The following ATR variants were observed in gnomAD, a reference collection of about 807,000 sequenced individuals.
ATR encodes serine/threonine-protein kinase ATR.
A neutral mutation model predicts 305.3 loss-of-function variants in ATR; 142 were observed. The observed-to-expected ratio is 0.47, with a 90% CI of 0.41 to 0.53. ATR has a LOEUF of 0.53. ATR is among the 20% of genes least tolerant of loss of function. The pLI is 0.00. For missense variants in ATR, 2,135 were observed against 3,133.1 expected (o/e 0.68, Z 7.60); for synonymous variants, 1,050 against 1,068.1 (o/e 0.98, Z 0.33).
At chr3:142,525,008 T>A (rs7651071) in intron 21 of ATR, among the ~76,000 whole-genome samples, 98,162 of 152,052 alleles carry the variant, frequency 0.65, 32,980 homozygotes, top group African/African-American at 0.85. Context: ...TACAAATTAC[T>A]GTAATACATT....
intron 22 of ATR, 93 bp downstream of exon 22, chr3:142,523,900 T>C (rs2033259840): frequency 1.5e-6 from 2 of 1,309,546 alleles, no homozygotes. Flanking sequence ...GAAGCTTTTA[T>C]TAAGGATAAG....
intron 32 of ATR, among the ~76,000 whole-genome samples, chr3:142,497,778 T>C (rs1422109866): frequency 4.6e-5 from 7 of 152,138 alleles, no homozygotes; most frequent in Non-Finnish European, 1.0e-4. Context: ...CATGAGGTAT[T>C]TGCATATATT....
At chr3:142,574,282 T>C (rs2035366554) in intron 1 of ATR, among the ~76,000 whole-genome samples, 1 of 151,784 alleles carries the variant, frequency 6.6e-6, no homozygotes, top group Admixed American at 6.6e-5. Context: ...CTGGGCAACA[T>C]GGTGAAACCC....
chr3:142,455,570 T>G (rs989484471), intron 45 of ATR, among the ~76,000 whole-genome samples: 5 of 152,148 alleles, frequency 3.3e-5, no homozygotes, highest in African/African-American at 1.2e-4. Flanking sequence ...GGCATATAGA[T>G]CAACAGAATA....
At chr3:142,552,104 G>A (rs865796765) in intron 13 of ATR, among the ~76,000 whole-genome samples, 21 of 88,954 alleles carry the variant, frequency 2.4e-4, no homozygotes, top group Admixed American at 3.8e-4. Flanking sequence ...ACCATCTCAC[G>A]CCAGCAGAAT....
chr3:142,478,900 T>C (rs1264566821), intron 36 of ATR, among the ~76,000 whole-genome samples: 3 of 152,172 alleles, frequency 2.0e-5, no homozygotes, highest in African/African-American at 4.8e-5. Context: ...TATCAGAGAC[T>C]AGGATTTCAA....
intron 21 of ATR, among the ~76,000 whole-genome samples, chr3:142,531,459 T>A (rs981042080): frequency 2.6e-5 from 4 of 151,964 alleles, no homozygotes; most frequent in Admixed American, 1.3e-4. Context: ...CCTGTGTCCA[T>A]GTGTTCTCAT....
At chr3:142,524,681 T>C (rs1055044861) in intron 21 of ATR, among the ~76,000 whole-genome samples, 7 of 151,998 alleles carry the variant, frequency 4.6e-5, no homozygotes, top group African/African-American at 1.4e-4. Context: ...AACAAGAAGT[T>C]TGAAAAGTGT....
chr3:142,451,039 T>C (rs2070777788), intron 46 of ATR: 1 of 1,268,716 alleles, frequency 7.9e-7, no homozygotes, highest in Non-Finnish European at 1.0e-6. Context: ...CCAGTGAATA[T>C]GAATCATCCC....
At chr3:142,575,849 A>T (rs1434212502) in intron 1 of ATR, among the ~76,000 whole-genome samples, 1 of 152,238 alleles carries the variant, frequency 6.6e-6, no homozygotes, top group East Asian at 1.9e-4. Flanking sequence ...GAGGGATAAA[A>T]GGTGATGAAG....
rs538093563 is a variant in ATR at position 142,558,567 on chromosome 3, T to C, written c.1885+57A>G. The C allele has an allele frequency of 6.0e-3, 8,118 of 1,344,668 alleles. 29 individuals are homozygous for C. Among genetic ancestry groups the C allele is most frequent in the Non-Finnish European group, 7.1e-3 (6,962 of 974,594 alleles). The allele number at this position is 1,344,668 out of a possible 1,614,324, so 83.3% of individuals were successfully genotyped here. A position where few individuals can be genotyped will look rare whatever the true frequency, so the allele number is the denominator to read the frequency against. On this transcript the variant is annotated intron_variant, in intron 8 of 46. Transcript: ENST00000350721. ...ATAAATAAATAAATAAATAGATAGA[T>C]AGATAGATAGATAGATAAATAAAAC... is the stretch of plus-strand genomic sequence containing the variant.
At chr3:142,564,092 T>C (rs1032089424) in intron 3 of ATR, among the ~76,000 whole-genome samples, 3 of 152,240 alleles carry the variant, frequency 2.0e-5, no homozygotes, top group Non-Finnish European at 4.4e-5. Flanking sequence ...AAGGATGATA[T>C]AATCGTTAGC....
intron 19 of ATR, among the ~76,000 whole-genome samples, chr3:142,537,998 A>G (rs1265433575): frequency 1.3e-5 from 2 of 152,214 alleles, no homozygotes; most frequent in Non-Finnish European, 2.9e-5. Flanking sequence ...ATGCCTTTGT[A>G]TGCTGGAATG....
At chr3:142,536,281 A>T (rs2033858608) in intron 19 of ATR, 80 bp from the exon 20 acceptor site, 1 of 1,007,496 alleles carries the variant, frequency 9.9e-7, no homozygotes, top group Non-Finnish European at 1.5e-6. Context: ...GTTGAAACTA[A>T]GGCCAATTTA....
At chr3:142,498,886 T>A in intron 31 of ATR, 112 bp from the exon 32 acceptor site, 1 of 271,902 alleles carries the variant, frequency 3.7e-6, no homozygotes, top group Admixed American at 5.8e-5. Context: ...GCTTCATTCC[T>A]TTTTTTTTTT....
intron 21 of ATR, among the ~76,000 whole-genome samples, chr3:142,527,772 CAA>C (rs1559966122): frequency 6.6e-6 from 1 of 152,094 alleles, no homozygotes; most frequent in Non-Finnish European, 1.5e-5. Flanking sequence ...AGTATATTCA[CAA>C]GTTTTAGTAT....
intron 45 of ATR, among the ~76,000 whole-genome samples, chr3:142,454,574 T>G (rs919112243): frequency 6.6e-5 from 10 of 151,082 alleles, no homozygotes; most frequent in African/African-American, 2.4e-4. Flanking sequence ...CCCGAGTAGC[T>G]GGGACTACAG....
At chr3:142,496,336 A>ATATACACATATATATATC (rs531114901) in intron 34 of ATR, 25 bp downstream of exon 34, 1 of 522,178 alleles carries the variant, frequency 1.9e-6, no homozygotes, top group African/African-American at 3.4e-5. Flanking sequence ...ATATATATAT[A>ATATACACATATATATATC]TGATGACATT....
In ATR at chr3:142,553,954, A is replaced by T. The variant is rs1441471018; in HGVS notation, c.2403T>A (p.Asp801Glu). The change falls in exon 11 of 47, where the codon GAT becomes GAA. Residue 801 changes from aspartate to glutamate, a missense_variant. Physicochemically the swap from Asp to Glu is conservative, Grantham distance 45. This residue lies in a region of ATR where 530 missense variants were observed against 766.8 expected (regional missense o/e 0.69). Coordinates refer to ENST00000350721, the MANE Select transcript of ATR (RefSeq NM_001184.4). ...ATAAAGTTCCAAGAACTGCTTTTAC[A>T]TCTGTTTCATCTTCTCTAAAATCAA... ...KHLDFREDET[D>E]VKAVLGTLLN... 18 of 1,609,912 alleles carry T rather than the reference A, an allele frequency of 1.1e-5. No homozygotes were observed. Among genetic ancestry groups the T allele is most frequent in the Admixed American group, 1.7e-5 (1 of 59,438 alleles).
Sources: allele counts gnomAD v4.1 joint callset (sites outside exome capture counted in the v4.1 genomes callset), GRCh38; gene constraint gnomAD v4.1.1; regional missense constraint gnomAD v4.1.1; transcripts MANE v1.5; gene names NCBI Gene and HGNC (gene_info 2026-07-23, HGNC 2026-07-21).